GRXCR1: variants seen among roughly 807,000 people sequenced by gnomAD.
The protein encoded by GRXCR1 is glutaredoxin and cysteine rich domain containing 1.
GRXCR1 carries 27 observed loss-of-function variants against 27.3 expected under a neutral mutation model. The observed-to-expected ratio is 0.99, with a 90% confidence interval of 0.73 to 1.37. The LOEUF is 1.37. Ranked by LOEUF, GRXCR1 falls within the 40% of genes most tolerant of loss-of-function variation. GRXCR1 has a pLI of 0.00. For missense variants in GRXCR1, 379 were observed against 354.4 expected, an observed-to-expected ratio of 1.07 and a Z score of -0.56; for synonymous variants, 122 against 131.1, an observed-to-expected ratio of 0.93 and a Z score of 0.47.
chr4:42,965,935 C>A (rs2109776723), intron 2 of GRXCR1, among the ~76,000 whole-genome samples: 1 of 151,906 alleles, frequency 6.6e-6, no homozygotes, highest in South Asian at 2.1e-4. Flanking sequence ...GTGAAAATAA[C>A]AGAGTTTAAT....
At chr4:42,993,627 A>T (rs1412434263) in intron 2 of GRXCR1, among the ~76,000 whole-genome samples, 2 of 152,172 alleles carry the variant, frequency 1.3e-5, no homozygotes, top group African/African-American at 4.8e-5. Flanking sequence ...ATTTTGTAAT[A>T]AACTCTTGAA....
At chr4:42,977,653 G>A (rs1359068441) in intron 2 of GRXCR1, among the ~76,000 whole-genome samples, 2 of 151,574 alleles carry the variant, frequency 1.3e-5, no homozygotes, top group Non-Finnish European at 2.9e-5. Context: ...GTTTTTAATG[G>A]AATTAAAAAA....
intron 2 of GRXCR1, among the ~76,000 whole-genome samples, chr4:43,007,182 G>A (rs1252638226): frequency 2.0e-5 from 3 of 152,216 alleles, no homozygotes; most frequent in Admixed American, 6.5e-5. Context: ...GAGACTTAAA[G>A]CATTCCAATG....
chr4:43,000,070 G>A (rs1008392357), intron 2 of GRXCR1, among the ~76,000 whole-genome samples: 5 of 152,164 alleles, frequency 3.3e-5, no homozygotes, highest in African/African-American at 4.8e-5. Context: ...GTTGTGCACC[G>A]TTCTGAGTAG....
At position 42,893,158 on chromosome 4, in the gene GRXCR1, A is replaced by T. The variant is rs978450720; in HGVS notation, c.-109A>T. On this transcript the variant is annotated 5_prime_UTR_variant, in exon 1 of 4. Transcript: ENST00000399770. ...TTCCTTTTGATGTTAGTTTCACAGG[A>T]GTGCTGCCATCACTAGAATTGGCTC... 35 of 1,141,138 alleles carry T rather than the reference A, an allele frequency of 3.1e-5. No individual in the cohort carries two copies. The highest frequency in any genetic ancestry group is 4.6e-5 in the African/African-American group (3 of 65,558). The allele number at this position is 1,141,138 out of a possible 1,614,324, so 70.7% of individuals were successfully genotyped here.
At chr4:43,004,388 C>T (rs1278038676) in intron 2 of GRXCR1, among the ~76,000 whole-genome samples, 1 of 152,210 alleles carries the variant, frequency 6.6e-6, no homozygotes, top group African/African-American at 2.4e-5. Context: ...GGAGCTCCCA[C>T]ACAGAGTCAC....
At chr4:42,984,331 A>G (rs758692672) in intron 2 of GRXCR1, among the ~76,000 whole-genome samples, 1 of 152,056 alleles carries the variant, frequency 6.6e-6, no homozygotes, top group African/African-American at 2.4e-5. Flanking sequence ...CTTGAAGTTC[A>G]CTGAGATTCC....
At chr4:42,983,067 C>T (rs918198789) in intron 2 of GRXCR1, among the ~76,000 whole-genome samples, 38 of 151,666 alleles carry the variant, frequency 2.5e-4, no homozygotes, top group African/African-American at 8.5e-4. Flanking sequence ...TAATTAGATC[C>T]CATTTGTCAA....
Position 42,980,012 on chromosome 4 carries a change from T to G in GRXCR1, c.627+16878T>G, listed in dbSNP as rs537462006. On this transcript the variant is annotated intron_variant, in intron 2 of 3. Transcript: ENST00000399770. ...TTTCTCTTGTATCAATTGTAACATCTCCTTTTTCATACCTAATTTTATTTT... is the reference window on the plus strand; with the variant it reads ...TTTCTCTTGTATCAATTGTAACATCGCCTTTTTCATACCTAATTTTATTTT... Among the ~76,000 whole-genome samples the G allele has an allele frequency of 1.4e-4, 21 of 152,156 alleles. 1 individual carries two copies. The South Asian group carries it at 4.3e-3, about 32-fold the overall frequency.
chr4:42,964,049 A>G (rs1041649858), intron 2 of GRXCR1, among the ~76,000 whole-genome samples: 4 of 152,010 alleles, frequency 2.6e-5, no homozygotes, highest in African/African-American at 9.7e-5. Context: ...TTATGAAAAG[A>G]TAAATGTAGA....
chr4:42,995,123 G>A (rs9994547), intron 2 of GRXCR1, among the ~76,000 whole-genome samples: 72,261 of 151,808 alleles, frequency 0.48, 18,481 homozygotes, highest in African/African-American at 0.67. Flanking sequence ...ACTTTACTAT[G>A]TATCATCACT....
At chr4:42,901,097 A>G (rs111598011) in intron 1 of GRXCR1, among the ~76,000 whole-genome samples, 2 of 152,168 alleles carry the variant, frequency 1.3e-5, no homozygotes, top group Admixed American at 1.3e-4. Context: ...CCCAAGACTC[A>G]TGATTTCTCC....
intron 2 of GRXCR1, among the ~76,000 whole-genome samples, chr4:42,969,104 T>G (rs1426473578): frequency 3.9e-5 from 6 of 152,112 alleles, no homozygotes; most frequent in Non-Finnish European, 5.9e-5. Flanking sequence ...TTTGGTAAAT[T>G]TGTTGTTTCT....
chr4:42,959,081 A>C (rs776887733), intron 1 of GRXCR1, among the ~76,000 whole-genome samples: 3 of 151,950 alleles, frequency 2.0e-5, no homozygotes, highest in Non-Finnish European at 2.9e-5. Flanking sequence ...TACTCAAAGG[A>C]AATGAAATTA....
chr4:42,934,721 C>G (rs1027713116), intron 1 of GRXCR1, among the ~76,000 whole-genome samples: 2 of 151,902 alleles, frequency 1.3e-5, no homozygotes, highest in African/African-American at 4.8e-5. Flanking sequence ...TGTGAATAAA[C>G]TTTGCAATAA....
intron 2 of GRXCR1, among the ~76,000 whole-genome samples, chr4:42,991,477 T>C (rs1711973870): frequency 6.6e-6 from 1 of 151,560 alleles, no homozygotes; most frequent in Admixed American, 6.6e-5. Context: ...CACATACATA[T>C]ATATATATAT....
At chr4:42,987,607 G>A (rs1456266594) in intron 2 of GRXCR1, among the ~76,000 whole-genome samples, 1 of 152,022 alleles carries the variant, frequency 6.6e-6, no homozygotes, top group Non-Finnish European at 1.5e-5. Flanking sequence ...TGGTGAAAAT[G>A]TACCCTTAAT....
At chr4:42,931,310 C>T (rs1353923597) in intron 1 of GRXCR1, among the ~76,000 whole-genome samples, 1 of 151,984 alleles carries the variant, frequency 6.6e-6, no homozygotes, top group African/African-American at 2.4e-5. Flanking sequence ...ACTTCTTCCA[C>T]CCTCCAATTG....
At chr4:43,023,901 G>A (rs1031108005) in intron 3 of GRXCR1, among the ~76,000 whole-genome samples, 1 of 152,272 alleles carries the variant, frequency 6.6e-6, no homozygotes, top group Non-Finnish European at 1.5e-5. Context: ...TTTGGTAAAT[G>A]ATATTTATTT....
Sources: allele counts gnomAD v4.1 joint callset (sites outside exome capture counted in the v4.1 genomes callset), GRCh38; gene constraint gnomAD v4.1.1; transcripts MANE v1.5; gene names NCBI Gene and HGNC (gene_info 2026-07-23, HGNC 2026-07-21).